ANKS1B: variants seen among roughly 807,000 people sequenced by gnomAD.
ANKS1B encodes ankyrin repeat and sterile alpha motif domain containing 1B.
A neutral mutation model predicts 148.3 loss-of-function variants in ANKS1B; 36 were observed. The ratio of observed to expected loss-of-function variants is 0.24; its 90% CI spans 0.19 to 0.32. The LOEUF (loss-of-function observed/expected upper bound fraction) is 0.32, where lower values mean the gene tolerates loss of function less well. ANKS1B is among the 10% of genes least tolerant of loss of function. The probability of loss-of-function intolerance (pLI) is 1.00; values close to 1 mark genes in which losing one functional copy is unlikely to be tolerated. For synonymous variants in ANKS1B, 542 were observed against 560.8 expected, an observed-to-expected ratio of 0.97 and a Z score of 0.47; for missense variants, 1,157 against 1,542.6, an observed-to-expected ratio of 0.75 and a Z score of 4.19.
At chr12:98,752,503 C>G (rs540290446) in intron 25 of ANKS1B, among the ~76,000 whole-genome samples, 1 of 152,008 alleles carries the variant, frequency 6.6e-6, no homozygotes, top group African/African-American at 2.4e-5. Context: ...ATGATCCACC[C>G]GCCTCAGCCT....
At position 99,393,315 on chromosome 12, in the gene ANKS1B, T is replaced by C. The variant is rs77048146; in HGVS notation, c.1756+6316A>G. ...AGGTTTCACATGAGAATGAGACACA[T>C]AGTGGCCATGTGCAGAGAGAGCCCC... On this transcript the variant is annotated intron_variant, in intron 12 of 26. Transcript: ENST00000683438. Among the ~76,000 whole-genome samples the C allele has an allele frequency of 3.7e-3, 567 of 152,218 alleles. 34 individuals are homozygous for C. In the East Asian group the frequency reaches 0.087, roughly 23 times the overall value.
chr12:99,359,086 G>T (rs1257824062), intron 12 of ANKS1B, among the ~76,000 whole-genome samples: 1 of 152,072 alleles, frequency 6.6e-6, no homozygotes, highest in Non-Finnish European at 1.5e-5. Context: ...CTACCCCATT[G>T]TTCTTTTCAA....
intron 17 of ANKS1B, among the ~76,000 whole-genome samples, chr12:98,941,230 C>T (rs2099836128): frequency 6.6e-6 from 1 of 152,108 alleles, no homozygotes; most frequent in Non-Finnish European, 1.5e-5. Flanking sequence ...GTCACTTATG[C>T]CTGAAAGAAG....
chr12:99,865,897 C>T lies in ANKS1B; in HGVS notation c.135-40508G>A, dbSNP rs536918256. The stretch of plus-strand genomic sequence containing the variant: ...TTATTTCATTTTAGAGAATTCCCTC[C>T]TCTCTATTGTATCCAGTCTTGGTGG... On this transcript the variant is annotated intron_variant, in intron 1 of 26. Coordinates refer to ENST00000683438, the MANE Select transcript of ANKS1B (RefSeq NM_001352186.2). 2.6e-5 allele frequency among the ~76,000 whole-genome samples: 4 copies of T among 152,094 alleles called. No homozygotes were observed. In the East Asian group the frequency reaches 5.8e-4, roughly 22 times the overall value.
intron 14 of ANKS1B, among the ~76,000 whole-genome samples, chr12:99,213,313 T>C (rs1040863370): frequency 6.6e-6 from 1 of 152,220 alleles, no homozygotes; most frequent in African/African-American, 2.4e-5. Context: ...TTACCACTTT[T>C]CAGCACAAAC....
intron 17 of ANKS1B, among the ~76,000 whole-genome samples, chr12:98,917,918 C>A (rs1479615969): frequency 6.6e-6 from 1 of 152,204 alleles, no homozygotes. Flanking sequence ...TATGGCAGTG[C>A]CAGGTACCAT....
At chr12:99,475,695 G>A (rs552228827) in intron 10 of ANKS1B, among the ~76,000 whole-genome samples, 9 of 151,576 alleles carry the variant, frequency 5.9e-5, no homozygotes, top group Non-Finnish European at 1.2e-4. Context: ...AACAAAGAAA[G>A]TATGAAAAAT....
intron 15 of ANKS1B, among the ~76,000 whole-genome samples, chr12:99,085,965 C>A (rs1414951706): frequency 6.6e-6 from 1 of 152,116 alleles, no homozygotes; most frequent in Non-Finnish European, 1.5e-5. Flanking sequence ...CCCCATGACA[C>A]AAGTTTACCT....
chr12:98,966,110 C>A (rs1320690574), intron 17 of ANKS1B, among the ~76,000 whole-genome samples: 2 of 152,116 alleles, frequency 1.3e-5, no homozygotes, highest in African/African-American at 2.4e-5. Flanking sequence ...AGTGAACAGG[C>A]AACCTACAGA....
chr12:99,302,241 C>T (rs896449379), intron 12 of ANKS1B, among the ~76,000 whole-genome samples: 2 of 152,014 alleles, frequency 1.3e-5, no homozygotes, highest in Non-Finnish European at 2.9e-5. Flanking sequence ...AATTGATTTA[C>T]AGGGGAATTT....
At chr12:99,730,243 C>G (rs1049438645) in intron 8 of ANKS1B, among the ~76,000 whole-genome samples, 3 of 152,152 alleles carry the variant, frequency 2.0e-5, no homozygotes, top group Admixed American at 6.6e-5. Context: ...GGAGCTCTGA[C>G]CACAGATGGG....
In ANKS1B at chr12:99,343,304, A is replaced by G. The variant is rs769299691; in HGVS notation, c.1756+56327T>C. Among the ~76,000 whole-genome samples, 7 of 152,118 alleles carry G rather than the reference A, an allele frequency of 4.6e-5. No homozygotes were observed. The East Asian group carries it at 7.7e-4, about 17-fold the overall frequency. On this transcript the variant is annotated intron_variant, in intron 12 of 26. Coordinates refer to ENST00000683438, the MANE Select transcript of ANKS1B (RefSeq NM_001352186.2). Reference sequence around the variant, plus strand: ...GAATAGATCCAATATCCCATGATTCACAATTGTTTTTAAATACATGGTTTA... The same window carrying G: ...GAATAGATCCAATATCCCATGATTCGCAATTGTTTTTAAATACATGGTTTA...
intron 15 of ANKS1B, among the ~76,000 whole-genome samples, chr12:99,119,187 T>C (rs186126373): frequency 2.0e-5 from 3 of 152,056 alleles, no homozygotes; most frequent in African/African-American, 7.2e-5. Context: ...ATAAAATAGA[T>C]GGAAAGGGAG....
rs142381799 is a variant in ANKS1B, at chr12:99,124,681, A to AAGAACT, written c.2526+29602_2526+29607dup. Among the ~76,000 whole-genome samples the AAGAACT allele has an allele frequency of 2.2e-3, 338 of 152,272 alleles. 1 individual carries two copies. The highest frequency in any genetic ancestry group is 7.9e-3 in the African/African-American group (328 of 41,552). On this transcript the variant is annotated intron_variant, in intron 15 of 26. Transcript: ENST00000683438. ...TAAAAATGATAGAGAATAGAACACAAAGAACTGAGCCTTTGGGTAATACAA... is the reference window on the plus strand; with the variant it reads ...TAAAAATGATAGAGAATAGAACACAAAGAACTAGAACTGAGCCTTTGGGTAATACAA...
chr12:98,844,136 C>CT (rs2099429317), intron 17 of ANKS1B, among the ~76,000 whole-genome samples: 1 of 152,078 alleles, frequency 6.6e-6, no homozygotes, highest in African/African-American at 2.4e-5. Flanking sequence ...TCAGGATGAC[C>CT]TGAGTGTGAG....
chr12:98,960,166 G>A (rs2099868823), intron 17 of ANKS1B, among the ~76,000 whole-genome samples: 1 of 152,176 alleles, frequency 6.6e-6, no homozygotes, highest in Non-Finnish European at 1.5e-5. Flanking sequence ...GTTACCACAG[G>A]TGTTGGGTGA....
At chr12:98,944,566 T>G (rs616804) in intron 17 of ANKS1B, among the ~76,000 whole-genome samples, 131,181 of 152,114 alleles carry the variant, frequency 0.86, 57,122 homozygotes, top group Middle Eastern at 0.94. Flanking sequence ...ATGTACACAC[T>G]ATTATATATG....
intron 17 of ANKS1B, among the ~76,000 whole-genome samples, chr12:98,858,240 G>C (rs2099581582): frequency 1.3e-5 from 2 of 152,218 alleles, no homozygotes; most frequent in Non-Finnish European, 2.9e-5. Context: ...TCCTGAAAAA[G>C]AGAGCTCTTG....
At chr12:99,316,020 A>G (rs1252014693) in intron 12 of ANKS1B, among the ~76,000 whole-genome samples, 2 of 152,170 alleles carry the variant, frequency 1.3e-5, no homozygotes, top group Non-Finnish European at 1.5e-5. Context: ...TTATGGCTGC[A>G]CAGTATTCCA....
Sources: gnomAD v4.1 joint callset for allele counts (sites outside exome capture counted in the v4.1 genomes callset) on GRCh38, gnomAD v4.1.1 for gene constraint, MANE v1.5 for transcripts, NCBI Gene and HGNC (gene_info 2026-07-23, HGNC 2026-07-21) for gene names.